The following SEC14L1 variants were observed in gnomAD, a reference collection of about 807,000 sequenced individuals.
SEC14L1 encodes the protein SEC14-like protein 1.
SEC14L1 carries 48 observed loss-of-function variants against 85.3 expected under a neutral mutation model. The ratio of observed to expected loss-of-function variants is 0.56; its 90% confidence interval spans 0.45 to 0.72. The LOEUF (loss-of-function observed/expected upper bound fraction) is 0.72, where lower values mean the gene tolerates loss of function less well. SEC14L1 is among the 30% of genes least tolerant of loss of function. SEC14L1 has a pLI of 0.00. For synonymous variants in SEC14L1, 391 were observed against 355.5 expected, an observed-to-expected ratio of 1.10 and a Z score of -1.12; for missense variants, 682 against 921.4, an observed-to-expected ratio of 0.74 and a Z score of 3.36.
chr17:77,178,955 T>A (rs1974882663), intron 3 of SEC14L1, among the ~76,000 whole-genome samples: 1 of 152,214 alleles, frequency 6.6e-6, no homozygotes, highest in South Asian at 2.1e-4. Context: ...GTCACAGGCT[T>A]AACACCCCAG....
intron 2 of SEC14L1, 90 bp from the exon 3 acceptor site, chr17:77,143,477 G>T (rs766187120): frequency 2.9e-6 from 2 of 685,712 alleles, no homozygotes; most frequent in Non-Finnish European, 5.0e-6. Context: ...TCTTTCTGTC[G>T]TTAGAGTGTG....
chr17:77,092,626 G>A (rs1971543938), intron 2 of SEC14L1, among the ~76,000 whole-genome samples: 1 of 152,102 alleles, frequency 6.6e-6, no homozygotes, highest in African/African-American at 2.4e-5. Context: ...TAAGGGCAAC[G>A]TGGTGGTCTA....
chr17:77,169,999 G>A (rs928292990), intron 3 of SEC14L1, among the ~76,000 whole-genome samples: 3 of 152,102 alleles, frequency 2.0e-5, no homozygotes, highest in Admixed American at 6.5e-5. Flanking sequence ...TTATAGGATC[G>A]GCCTCAGTCC....
At position 77,209,393 on chromosome 17, in the gene SEC14L1, G is replaced by A. The variant is rs752687715; in HGVS notation, c.1528G>A (p.Glu510Lys). Residue 510 changes from glutamate to lysine, a missense_variant, in exon 14 of 17, where the codon GAG (glutamate) becomes AAG (lysine). By Grantham distance (56) the Glu-to-Lys change is moderately conservative. Transcript: ENST00000436233. ...CCCCAAATCTCTGTACCGGACTGCA[G>A]AGGAGCTGGAGAACGAAGACCTGAA... ...LVPKSLYRTA[E>K]ELENEDLKLW... is the part of the protein sequence containing the mutation. 1.2e-6 allele frequency: 2 copies of A among 1,614,202 alleles called. No individual in the cohort carries two copies. Among genetic ancestry groups the A allele is most frequent in the Non-Finnish European group, 8.5e-7 (1 of 1,180,038 alleles).
Position 77,181,907 on chromosome 17 carries a change from C to CT in SEC14L1, c.64-8885dup, listed in dbSNP as rs879298672. On this transcript the variant is annotated intron_variant, in intron 3 of 16. Coordinates refer to ENST00000436233, the MANE Select transcript of SEC14L1 (RefSeq NM_001143998.2). The stretch of plus-strand genomic sequence containing the variant: ...TTGGTCAGTTTGCCACGTTTTCTTT[C>CT]TTTTTTTTTTTAATGCAGCCTACAA... Among the ~76,000 whole-genome samples, 820 of 143,846 alleles carry CT rather than the reference C, an allele frequency of 5.7e-3. 9 individuals are homozygous for CT. The highest frequency in any genetic ancestry group is 0.019 in the African/African-American group (740 of 39,410). The allele number at this position is 143,846 out of a possible 152,430, so 94.4% of individuals were successfully genotyped here. A position where few individuals can be genotyped will look rare whatever the true frequency, so the allele number is the denominator to read the frequency against.
intron 3 of SEC14L1, among the ~76,000 whole-genome samples, chr17:77,174,589 A>G (rs1489582719): frequency 6.6e-6 from 1 of 152,092 alleles, no homozygotes; most frequent in Non-Finnish European, 1.5e-5. Flanking sequence ...CGCGTTGCTA[A>G]GCGTCCGGGT....
At chr17:77,103,442 T>TG (rs918254403) in intron 3 of SEC14L1, among the ~76,000 whole-genome samples, 3 of 150,708 alleles carry the variant, frequency 2.0e-5, no homozygotes, top group African/African-American at 4.9e-5. Context: ...TTGTTTTTTT[T>TG]TTGTTGTTGT....
At chr17:77,211,521 C>G (rs1976750059) in intron 14 of SEC14L1, 1 of 177,664 alleles carries the variant, frequency 5.6e-6, no homozygotes, top group South Asian at 1.2e-4. Flanking sequence ...CCCTGCTTCC[C>G]CCTTGCTGGG....
At chr17:77,090,529 G>A (rs975313005) in intron 2 of SEC14L1, among the ~76,000 whole-genome samples, 2 of 148,020 alleles carry the variant, frequency 1.4e-5, no homozygotes, top group African/African-American at 2.5e-5. Context: ...AAAAAGATCC[G>A]ATGGAGACTA....
intron 3 of SEC14L1, among the ~76,000 whole-genome samples, chr17:77,126,550 A>T (rs993164554): frequency 6.6e-6 from 1 of 152,220 alleles, no homozygotes; most frequent in Non-Finnish European, 1.5e-5. Flanking sequence ...TGCCAGAATC[A>T]TAGCGGTTCC....
intron 3 of SEC14L1, among the ~76,000 whole-genome samples, chr17:77,096,298 A>G (rs143469597): frequency 0.021 from 3,185 of 149,902 alleles, 72 homozygotes; most frequent in Admixed American, 0.054. Flanking sequence ...GGTGGCTCAA[A>G]CCTGTAATCC....
chr17:77,212,489 T>C (rs1023803470), intron 15 of SEC14L1, among the ~76,000 whole-genome samples: 1 of 152,178 alleles, frequency 6.6e-6, no homozygotes, highest in African/African-American at 2.4e-5. Flanking sequence ...TCATAGGATT[T>C]TTCCCCCCCG....
At chr17:77,089,323 C>T (rs201152654) in intron 2 of SEC14L1, 3 of 505,774 alleles carry the variant, frequency 5.9e-6, no homozygotes, top group Non-Finnish European at 1.2e-5. Context: ...TGGGGAAAGG[C>T]TCCTGTGTTG....
chr17:77,129,525 G>A (rs1183029094), intron 3 of SEC14L1, among the ~76,000 whole-genome samples: 1 of 152,092 alleles, frequency 6.6e-6, no homozygotes, highest in Non-Finnish European at 1.5e-5. Context: ...CCCAAATAAG[G>A]TATTGAACTG....
At position 77,158,798 on chromosome 17, in the gene SEC14L1, C is replaced by CTTTTTTTTTT. The variant is rs34186028; in HGVS notation, c.63+15163_63+15172dup. On this transcript the variant is annotated intron_variant, in intron 3 of 16. Coordinates refer to ENST00000436233, the MANE Select transcript of SEC14L1 (RefSeq NM_001143998.2). Reference sequence around the variant, plus strand: ...CAATTACATTTTATAGCTTTCTTTCCTTTTTTTTTTTTTTTTTTTTTTTTT... The same window carrying CTTTTTTTTTT: ...CAATTACATTTTATAGCTTTCTTTCCTTTTTTTTTTTTTTTTTTTTTTTTTTTTTTTTTTT... Among the ~76,000 whole-genome samples, 27 of 39,238 alleles carry CTTTTTTTTTT rather than the reference C, an allele frequency of 6.9e-4. 4 individuals are homozygous for CTTTTTTTTTT. Among genetic ancestry groups the CTTTTTTTTTT allele is most frequent in the East Asian group, 1.6e-3 (2 of 1,284 alleles). 25.7% of individuals were successfully genotyped at this position (39,238 alleles called of 152,430 possible).
At chr17:77,104,437 T>TA (rs1971858210) in intron 3 of SEC14L1, among the ~76,000 whole-genome samples, 1 of 146,604 alleles carries the variant, frequency 6.8e-6, no homozygotes, top group African/African-American at 2.5e-5. Flanking sequence ...TTACTTTTTT[T>TA]TTTTTTTGTC....
At position 77,213,661 on chromosome 17, in the gene SEC14L1, C is replaced by T. The variant is rs2143237630; in HGVS notation, c.2042+169C>T. 6.7e-6 allele frequency: 6 copies of T among 893,462 alleles called. No homozygotes were observed. The highest frequency in any genetic ancestry group is 8.9e-6 in the Non-Finnish European group (5 of 559,930). 55.3% of individuals were successfully genotyped at this position (893,462 alleles called of 1,614,324 possible). A position where few individuals can be genotyped will look rare whatever the true frequency, so the allele number is the denominator to read the frequency against. On this transcript the variant is annotated intron_variant, in intron 16 of 16. Transcript: ENST00000436233. The surrounding 1 kb of genome is among the most constrained non-coding windows in gnomAD (Gnocchi z 7.1). ...CATTTGTTGGCACGGTGACTCCCTG[C>T]CTGTCTGCAGAGGGAGAGTGTCGGA...
At chr17:77,137,571 T>C (rs971464827), upstream of SEC14L1, among the ~76,000 whole-genome samples, 11 of 152,154 alleles carry the variant, frequency 7.2e-5, no homozygotes, top group African/African-American at 2.7e-4. Flanking sequence ...CAACATGAGA[T>C]TTGAGTTCAG....
chr17:77,103,809 C>T (rs73376325), intron 3 of SEC14L1, among the ~76,000 whole-genome samples: 4,245 of 122,410 alleles, frequency 0.035, 211 homozygotes, highest in African/African-American at 0.12. Context: ...CACTGAGCTG[C>T]CAGAAGGCCC....
Sources: allele counts gnomAD v4.1 joint callset (sites outside exome capture counted in the v4.1 genomes callset), GRCh38; gene constraint gnomAD v4.1.1; non-coding constraint Gnocchi (gnomAD v3.1); transcripts MANE v1.5; gene names NCBI Gene and HGNC (gene_info 2026-07-23, HGNC 2026-07-21).